Variants in SCHIP1 observed in about 807,000 individuals in gnomAD.
SCHIP1 encodes schwannomin-interacting protein 1.
A neutral mutation model predicts 29.7 loss-of-function variants in SCHIP1; 8 were observed. That is an observed-to-expected ratio of 0.27 (90% CI 0.16 to 0.49). The LOEUF is 0.49. Ranked by LOEUF, SCHIP1 falls within the 20% of genes least tolerant of loss-of-function variation. SCHIP1 has a pLI of 0.99. For missense variants in SCHIP1, 193 were observed against 294.6 expected, an observed-to-expected ratio of 0.66 and a Z score of 2.52; for synonymous variants, 76 against 94.9, an observed-to-expected ratio of 0.80 and a Z score of 1.16.
At chr3:159,431,303 G>C in the SCHIP1 span, among the ~76,000 whole-genome samples, 1 of 151,898 alleles carries the variant, frequency 6.6e-6, no homozygotes, top group South Asian at 2.1e-4. Context: ...AGGGTGTGGT[G>C]GGGGAGTGCT....
the SCHIP1 span, among the ~76,000 whole-genome samples, chr3:159,736,295 G>A: frequency 6.6e-6 from 1 of 152,232 alleles, no homozygotes. Context: ...CTTAAAAGCT[G>A]CTGGTTCTCA....
chr3:159,488,340 T>C, the SCHIP1 span, among the ~76,000 whole-genome samples: 1 of 152,138 alleles, frequency 6.6e-6, no homozygotes, highest in Non-Finnish European at 1.5e-5. Flanking sequence ...AATGAATCAT[T>C]TGTGACACAA....
At chr3:159,459,386 C>T in the SCHIP1 span, among the ~76,000 whole-genome samples, 2 of 152,140 alleles carry the variant, frequency 1.3e-5, no homozygotes, top group Non-Finnish European at 2.9e-5. Flanking sequence ...GCTTCTTGCT[C>T]ATACTGCTAA....
the SCHIP1 span, among the ~76,000 whole-genome samples, chr3:159,661,559 G>C: frequency 6.6e-6 from 1 of 152,168 alleles, no homozygotes; most frequent in Non-Finnish European, 1.5e-5. Context: ...ATAAATTAAA[G>C]AGTGTCTAAT....
the SCHIP1 span, among the ~76,000 whole-genome samples, chr3:159,708,074 C>T: frequency 1.3e-5 from 2 of 152,160 alleles, no homozygotes; most frequent in Non-Finnish European, 2.9e-5. Flanking sequence ...TCTTTGATGA[C>T]CTAGGCTAGA....
the SCHIP1 span, among the ~76,000 whole-genome samples, chr3:159,463,351 T>G: frequency 1.7e-4 from 26 of 152,110 alleles, no homozygotes; most frequent in Non-Finnish European, 3.5e-4. Context: ...ATTTACTTTG[T>G]TTTTAGTATT....
At chr3:159,737,018 G>A in the SCHIP1 span, among the ~76,000 whole-genome samples, 10 of 152,328 alleles carry the variant, frequency 6.6e-5, no homozygotes, top group African/African-American at 2.4e-4. Context: ...ACAGGCGTGA[G>A]CCACCACGCC....
chr3:159,794,679 A>G, the SCHIP1 span, among the ~76,000 whole-genome samples: 5 of 152,188 alleles, frequency 3.3e-5, no homozygotes, highest in Non-Finnish European at 7.3e-5. Context: ...TGCATGTAAG[A>G]TATCATTCTG....
the SCHIP1 span, among the ~76,000 whole-genome samples, chr3:159,550,893 G>A: frequency 3.9e-5 from 6 of 152,060 alleles, no homozygotes; most frequent in Non-Finnish European, 8.8e-5. Flanking sequence ...GCCTCACTAT[G>A]TAATATTTTT....
the SCHIP1 span, among the ~76,000 whole-genome samples, chr3:159,619,434 A>G: frequency 4.6e-5 from 7 of 152,170 alleles, no homozygotes; most frequent in African/African-American, 1.7e-4. Flanking sequence ...GCTTATGAAA[A>G]CAGAGGGATT....
chr3:159,765,311 C>G, the SCHIP1 span: 6 of 752,398 alleles, frequency 8.0e-6, no homozygotes, highest in East Asian at 3.3e-5. Flanking sequence ...TAAGGTTGCT[C>G]GGTCTGTGAG....
At chr3:159,700,191 C>T in the SCHIP1 span, among the ~76,000 whole-genome samples, 2 of 152,304 alleles carry the variant, frequency 1.3e-5, no homozygotes, top group East Asian at 3.9e-4. Flanking sequence ...TTAATCTAAC[C>T]TCCACATAAT....
At chr3:159,470,816 G>T in the SCHIP1 span, among the ~76,000 whole-genome samples, 1,413 of 150,428 alleles carry the variant, frequency 9.4e-3, 32 homozygotes, top group African/African-American at 0.033. Flanking sequence ...ATGAAGTATT[G>T]ATATATATAT....
chr3:159,394,325 G>T, the SCHIP1 span, among the ~76,000 whole-genome samples: 3 of 151,870 alleles, frequency 2.0e-5, no homozygotes, highest in Admixed American at 6.6e-5. Flanking sequence ...CTGCCTAATT[G>T]CTCTGGCCAG....
At chr3:159,592,623 ACATCTTG>A in the SCHIP1 span, among the ~76,000 whole-genome samples, 3 of 151,694 alleles carry the variant, frequency 2.0e-5, no homozygotes, top group African/African-American at 7.3e-5. Context: ...GGACTCCTTC[ACATCTTG>A]CAGTACCCAA....
chr3:159,682,651 G>A, the SCHIP1 span, among the ~76,000 whole-genome samples: 1 of 152,110 alleles, frequency 6.6e-6, no homozygotes, highest in Admixed American at 6.5e-5. Flanking sequence ...CAGAGCGTCT[G>A]GTGACCTAAG....
chr3:159,326,378 T>A, the SCHIP1 span, among the ~76,000 whole-genome samples: 1 of 152,192 alleles, frequency 6.6e-6, no homozygotes. Context: ...CAAAAGTACA[T>A]CAGCTAAGAA....
chr3:159,896,988 C>A, exon 7 of SCHIP1: 4 of 447,226 alleles, frequency 8.9e-6, no homozygotes, highest in South Asian at 4.5e-5. Flanking sequence ...AATATTGTTA[C>A]AAAAAATGTA....
chr3:159,365,032 C>T, the SCHIP1 span, among the ~76,000 whole-genome samples: 3 of 152,136 alleles, frequency 2.0e-5, no homozygotes, highest in Non-Finnish European at 2.9e-5. Flanking sequence ...CACACTAGCT[C>T]TTAAATCTGG....
Sources: gnomAD v4.1 joint callset for allele counts (sites outside exome capture counted in the v4.1 genomes callset) on GRCh38, gnomAD v4.1.1 for gene constraint, MANE v1.5 for transcripts, NCBI Gene and HGNC (gene_info 2026-07-23, HGNC 2026-07-21) for gene names.